LIPG: variants seen among roughly 807,000 people sequenced by gnomAD.
LIPG encodes the protein endothelial lipase.
A neutral mutation model predicts 51.8 loss-of-function variants in LIPG; 34 were observed. The ratio of observed to expected loss-of-function variants is 0.66; its 90% confidence interval spans 0.50 to 0.87. The LOEUF (loss-of-function observed/expected upper bound fraction) is 0.87, where lower values mean the gene tolerates loss of function less well. Among genes scored for constraint, LIPG ranks in the 40% least tolerant of loss-of-function variants. The pLI, the probability that LIPG is intolerant of heterozygous loss-of-function variation, is 0.00. For missense variants in LIPG, 580 were observed against 652.7 expected (o/e 0.89, Z 1.21); for synonymous variants, 246 against 246.1 (o/e 1.00, Z 0.00).
chr18:49,582,833 C>G (rs1281318649), intron 7 of LIPG, among the ~76,000 whole-genome samples: 1 of 152,234 alleles, frequency 6.6e-6, no homozygotes, highest in Admixed American at 6.5e-5. Context: ...ATCCCTGGAC[C>G]TCTCCTAATG....
Position 49,582,521 on chromosome 18 carries a change from A to C in LIPG, c.1157+39A>C, listed in dbSNP as rs112406992. 6.8e-4 allele frequency: 1,105 copies of C among 1,613,988 alleles called. 13 individuals carry two copies. In the African/African-American group the frequency reaches 0.013, roughly 19 times the overall value. On this transcript the variant is annotated intron_variant, in intron 7 of 9. Coordinates refer to ENST00000261292, the MANE Select transcript of LIPG (RefSeq NM_006033.4). ...TTCCCTTGCTGGGTTCGGGACAGAG[A>C]ACAGGTTGGTTTGAGAATGAGAGAG...
chr18:49,576,500 T>G (rs1730932470), intron 5 of LIPG, among the ~76,000 whole-genome samples: 1 of 133,934 alleles, frequency 7.5e-6, no homozygotes. Flanking sequence ...GGAGTTTTGC[T>G]GTTGTTGCCC....
chr18:49,593,809 TAC>T lies in LIPG; in HGVS notation c.*3289_*3290del, dbSNP rs2084965653. On this transcript the variant is annotated 3_prime_UTR_variant, in exon 10 of 10. Transcript: ENST00000261292. Reference sequence around the variant, plus strand: ...CATGGTCACATGACAGGCTGGGAAATACAGTCTTTATTTAGGGTGCCCATGGG... The same window carrying T: ...CATGGTCACATGACAGGCTGGGAAATAGTCTTTATTTAGGGTGCCCATGGG... 1 of 152,218 alleles carries T rather than the reference TAC, an allele frequency of 6.6e-6. No individual in the cohort carries two copies. The highest frequency in any genetic ancestry group is 2.1e-4 in the South Asian group (1 of 4,832). 9.4% of individuals were successfully genotyped at this position (152,218 alleles called of 1,614,324 possible).
At chr18:49,575,830 T>C (rs1192925906) in intron 5 of LIPG, among the ~76,000 whole-genome samples, 1 of 151,340 alleles carries the variant, frequency 6.6e-6, no homozygotes, top group Non-Finnish European at 1.5e-5. Flanking sequence ...TCTTTTCTTT[T>C]CTTTTTCTTT....
intron 3 of LIPG, among the ~76,000 whole-genome samples, chr18:49,568,617 G>A (rs2084631660): frequency 6.7e-6 from 1 of 149,240 alleles, no homozygotes; most frequent in Admixed American, 6.7e-5. Context: ...CTGACCTCAG[G>A]TGATCTGCCT....
At chr18:49,567,143 C>G (rs1389105493) in intron 2 of LIPG, among the ~76,000 whole-genome samples, 1 of 152,088 alleles carries the variant, frequency 6.6e-6, no homozygotes, top group Non-Finnish European at 1.5e-5. Flanking sequence ...TCAAGACCAG[C>G]CTGGGCAACA....
At chr18:49,582,776 G>A (rs2084834973) in intron 7 of LIPG, among the ~76,000 whole-genome samples, 1 of 152,248 alleles carries the variant, frequency 6.6e-6, no homozygotes, top group Non-Finnish European at 1.5e-5. Context: ...TTTCATTTCA[G>A]GCAATGCCTG....
At chr18:49,587,477 G>A (rs2084894556) in intron 9 of LIPG, among the ~76,000 whole-genome samples, 1 of 143,928 alleles carries the variant, frequency 6.9e-6, no homozygotes, top group Non-Finnish European at 1.5e-5. Context: ...GCTGAGGCAG[G>A]AGAATGGTAT....
chr18:49,565,583 C>T, intron 2 of LIPG, 85 bp downstream of exon 2: 1 of 1,483,048 alleles, frequency 6.7e-7, no homozygotes, highest in Non-Finnish European at 9.4e-7. Context: ...CTGGTGTTTC[C>T]AGATTCCAAA....
At chr18:49,589,125 C>T (rs1005500930) in intron 9 of LIPG, among the ~76,000 whole-genome samples, 3 of 152,142 alleles carry the variant, frequency 2.0e-5, no homozygotes, top group Admixed American at 6.5e-5. Flanking sequence ...AATCACCTCG[C>T]GTCTGTCTGG....
In LIPG at chr18:49,562,692, T is replaced by C. The variant is rs149477630; in HGVS notation, c.97+287T>C. The stretch of plus-strand genomic sequence containing the variant: ...ATACGGCTCCCTAAGCCAGTGCTGG[T>C]GCTGTCCAGCCAGCCGAGCGGCCTG... On this transcript the variant is annotated intron_variant, in intron 1 of 9. Transcript: ENST00000261292. 3.3e-3 allele frequency among the ~76,000 whole-genome samples: 491 copies of C among 150,512 alleles called. 8 individuals are homozygous for C. The South Asian group carries it at 0.034, about 11-fold the overall frequency.
intron 5 of LIPG, among the ~76,000 whole-genome samples, chr18:49,578,597 C>T (rs1323699157): frequency 6.6e-6 from 1 of 151,400 alleles, no homozygotes; most frequent in African/African-American, 2.4e-5. Flanking sequence ...CAGGCGGAGA[C>T]ACTCCTCACT....
chr18:49,586,706 T>G, intron 8 of LIPG, 40 bp from the exon 9 acceptor site: 1 of 1,446,262 alleles, frequency 6.9e-7, no homozygotes, highest in Non-Finnish European at 9.7e-7. Flanking sequence ...GGATTCCCCC[T>G]AAAGTTCTGC....
chr18:49,561,504 T>C, upstream of LIPG: 1 of 422,226 alleles, frequency 2.4e-6, no homozygotes, highest in Non-Finnish European at 4.0e-6. Context: ...CACAGCCCCT[T>C]AGCTCCGCCG....
At chr18:49,581,300 TACTA>T in intron 5 of LIPG, 111 bp from the exon 6 acceptor site, 1 of 1,428,400 alleles carries the variant, frequency 7.0e-7, no homozygotes, top group Non-Finnish European at 9.8e-7. Context: ...TACATGAAAA[TACTA>T]ACAGCAACAA....
chr18:49,586,911 T>A (rs2084886376), intron 9 of LIPG, 61 bp downstream of exon 9: 7 of 1,196,800 alleles, frequency 5.8e-6, no homozygotes, highest in African/African-American at 3.0e-5. Flanking sequence ...TCTCCTAGCA[T>A]GTGCTGGGGA....
rs1291265759 is a variant in LIPG at position 49,577,507 on chromosome 18, T to C, written c.793+1917T>C. 8.7e-5 allele frequency among the ~76,000 whole-genome samples: 13 copies of C among 148,710 alleles called. No individual in the cohort carries two copies. The South Asian group carries it at 1.7e-3, about 20-fold the overall frequency. On this transcript the variant is annotated intron_variant, in intron 5 of 9. Transcript: ENST00000261292. ...TTCCACAAAGCCGCCATTGTCATCC[T>C]GGCCCGTTCTCAATGAGCTGCTGGG...
chr18:49,583,761 G>A lies in LIPG; in HGVS notation c.1363G>A (p.Glu455Lys). 6 of 1,612,162 alleles carry A rather than the reference G, an allele frequency of 3.7e-6. No homozygotes were observed. Among genetic ancestry groups the A allele is most frequent in the Non-Finnish European group, 5.1e-6 (6 of 1,179,438 alleles). ...NIRRIRVKSGETQRKLTFCTE... is the reference protein window; with the variant it reads ...NIRRIRVKSGKTQRKLTFCTE... ...CAGGCGCATCCGGGTGAAGTCTGGG[G>A]AAACCCAGCGGAAGTAAGTGCCTCC... is the stretch of plus-strand genomic sequence containing the variant. The change falls in exon 8 of 10, where the codon GAA becomes AAA. Residue 455 changes from glutamate (E) to lysine (K), a missense_variant. Physicochemically the swap from Glu to Lys is moderately conservative, Grantham distance 56. Transcript: ENST00000261292.
chr18:49,580,176 T>C (rs2084803348), intron 5 of LIPG, among the ~76,000 whole-genome samples: 1 of 152,190 alleles, frequency 6.6e-6, no homozygotes, highest in Non-Finnish European at 1.5e-5. Flanking sequence ...TTATGCCAAA[T>C]TTTTTGTAAG....
Sources: allele counts gnomAD v4.1 joint callset (sites outside exome capture counted in the v4.1 genomes callset), GRCh38; gene constraint gnomAD v4.1.1; transcripts MANE v1.5; gene names NCBI Gene and HGNC (gene_info 2026-07-23, HGNC 2026-07-21).